The following C2CD2L variants were observed in gnomAD, a reference collection of about 807,000 sequenced individuals.
The protein encoded by C2CD2L is phospholipid transfer protein C2CD2L.
Under a neutral mutation model 69.9 loss-of-function variants are expected in C2CD2L, and 24 were observed. The ratio of observed to expected loss-of-function variants is 0.34; its 90% CI spans 0.25 to 0.48. The LOEUF is 0.48. C2CD2L is among the 20% of genes least tolerant of loss of function. C2CD2L has a pLI of 0.99. For synonymous variants in C2CD2L, 367 were observed against 391.0 expected (o/e 0.94, Z 0.72); for missense variants, 811 against 941.5 (o/e 0.86, Z 1.81).
chr11:119,113,727 G>A lies in C2CD2L; in HGVS notation c.1489+15G>A, dbSNP rs116201266. On this transcript the variant is annotated intron_variant, in intron 11 of 13. Transcript: ENST00000648610. ...TAGCAGCAGCCGTGAGTGGGGAATGGGGTGCATGAGTGTGGGTTGGCCCTG... is the reference window on the plus strand; with the variant it reads ...TAGCAGCAGCCGTGAGTGGGGAATGAGGTGCATGAGTGTGGGTTGGCCCTG... 790 of 1,613,954 alleles carry A rather than the reference G, an allele frequency of 4.9e-4. 1 individual carries two copies. In the African/African-American group the frequency reaches 9.1e-3, roughly 19 times the overall value.
chr11:119,102,305 G>A, upstream of C2CD2L: 1 of 472,172 alleles, frequency 2.1e-6, no homozygotes. Context: ...GGGGTGGGGA[G>A]GAGGGACGAG....
Position 119,108,256 on chromosome 11 carries a change from G to A in C2CD2L, c.354+161G>A, listed in dbSNP as rs1218614534. 3.0e-5 allele frequency: 16 copies of A among 537,668 alleles called. No individual in the cohort carries two copies. The Admixed American group carries it at 6.4e-4, about 21-fold the overall frequency. 33.3% of individuals were successfully genotyped at this position (537,668 alleles called of 1,614,324 possible). A position where few individuals can be genotyped will look rare whatever the true frequency, so the allele number is the denominator to read the frequency against. On this transcript the variant is annotated intron_variant, in intron 1 of 13. Transcript: ENST00000648610. The stretch of plus-strand genomic sequence containing the variant: ...AGAGAAAAGGGTGCCGCTAAGGCTG[G>A]AGGTTGTAGAAATCCAACTGGGTCC...
intron 13 of C2CD2L, 115 bp from the exon 14 acceptor site, chr11:119,115,930 C>T: frequency 1.3e-6 from 1 of 781,646 alleles, no homozygotes; most frequent in Non-Finnish European, 2.1e-6. Context: ...GGCTTCTGGG[C>T]CACGGGACTG....
intron 9 of C2CD2L, 37 bp downstream of exon 9, chr11:119,112,646 A>G (rs1946780092): frequency 5.0e-6 from 8 of 1,605,618 alleles, no homozygotes; most frequent in Non-Finnish European, 6.8e-6. Context: ...GGGAGGACAC[A>G]GGGGATGGGC....
At position 119,107,961 on chromosome 11, in the gene C2CD2L, G is replaced by A; in HGVS notation, c.220G>A (p.Ala74Thr). 1 of 1,549,304 alleles carries A rather than the reference G, an allele frequency of 6.5e-7. No homozygotes were observed. The highest frequency in any genetic ancestry group is 8.7e-7 in the Non-Finnish European group (1 of 1,155,858). Residue 74 changes from alanine to threonine, a missense_variant, in exon 1 of 14, where the codon GCG (alanine) becomes ACG (threonine). Transcript: ENST00000648610. The surrounding 1 kb of genome is among the most constrained non-coding windows in gnomAD (Gnocchi z 5.4). ...GVWRSLLRLR[A>T]TRAGAAEEPG... ...GTGGCGCTCGCTGCTGCGGCTGCGG[G>A]CGACTCGGGCTGGCGCCGCCGAGGA...
intron 13 of C2CD2L, 46 bp from the exon 14 acceptor site, chr11:119,115,999 C>T (rs1463517544): frequency 1.3e-6 from 2 of 1,543,398 alleles, no homozygotes; most frequent in Non-Finnish European, 1.8e-6. Context: ...CCGTCTCACC[C>T]CACCCCGTGC....
At chr11:119,105,853 G>C (rs900719889), upstream of C2CD2L, among the ~76,000 whole-genome samples, 2 of 152,126 alleles carry the variant, frequency 1.3e-5, no homozygotes, top group Non-Finnish European at 2.9e-5. Flanking sequence ...TGGGGGAAGA[G>C]GGTCTTCATA....
At chr11:119,102,897 A>T, upstream of C2CD2L, among the ~76,000 whole-genome samples, 1 of 90,560 alleles carries the variant, frequency 1.1e-5, no homozygotes, top group African/African-American at 4.4e-5. Flanking sequence ...TTTGAGACAG[A>T]GTTTCGCTCT....
intron 10 of C2CD2L, 131 bp downstream of exon 10, chr11:119,113,005 A>G (rs1946791761): frequency 2.8e-6 from 2 of 718,546 alleles, no homozygotes; most frequent in South Asian, 1.9e-5. Context: ...TTCCAGTCCT[A>G]CCACATCTTC....
chr11:119,103,476 C>T (rs1946542036), upstream of C2CD2L, among the ~76,000 whole-genome samples: 1 of 152,128 alleles, frequency 6.6e-6, no homozygotes, highest in South Asian at 2.1e-4. Flanking sequence ...GTGGGTGGCT[C>T]ACTTGAGGTC....
chr11:119,114,022 G>T lies in C2CD2L; in HGVS notation c.1623+34G>T. 1 of 1,613,332 alleles carries T rather than the reference G, an allele frequency of 6.2e-7. No individual in the cohort carries two copies. The highest frequency in any genetic ancestry group is 1.1e-5 in the South Asian group (1 of 91,070). On this transcript the variant is annotated intron_variant, in intron 12 of 13. Transcript: ENST00000648610. The surrounding 1 kb of genome is among the most constrained non-coding windows in gnomAD (Gnocchi z 5.1). ...GCTCTGGGGAGAGGAGCTGGGATGG[G>T]GAGAAAGCCCTAATGGGTCGGTCAC...
Position 119,112,707 on chromosome 11 carries a change from A to G in C2CD2L, c.1220A>G (p.Tyr407Cys), listed in dbSNP as rs1460485842. The change falls in exon 10 of 14, where the codon TAT becomes TGT. Residue 407 changes from tyrosine to cysteine, a missense_variant. Transcript: ENST00000648610. ...PAATMAVELHYEEGSPRNLGT... is the reference protein window; with the variant it reads ...PAATMAVELHCEEGSPRNLGT... ...TCTCCCACCCCTGGGCAGCTTCACT[A>G]TGAGGAGGGCTCTCCCCGGAACCTG... 1 of 1,613,512 alleles carries G rather than the reference A, an allele frequency of 6.2e-7. No homozygotes were observed. Among genetic ancestry groups the G allele is most frequent in the Non-Finnish European group, 8.5e-7 (1 of 1,179,692 alleles).
In C2CD2L at chr11:119,113,648, C is replaced by G. The variant is rs781481883; in HGVS notation, c.1425C>G (p.Thr475=). The G allele has an allele frequency of 6.2e-7, 1 of 1,613,746 alleles. No homozygotes were observed. The highest frequency in any genetic ancestry group is 8.5e-7 in the Non-Finnish European group (1 of 1,179,944). Residue 475 remains threonine, a synonymous_variant, in exon 11 of 14, where the codon ACC becomes ACG. Transcript: ENST00000648610. ...GCTCCCCGTCCAAGGTGGAGGTGAC[C>G]GAGAAGACGACAACTGTGCTGAGTG... ...PSRSPSKVEV[T]EKTTTVLSES... is the part of the protein sequence containing the mutation.
At chr11:119,102,361 T>C (rs1382678645), upstream of C2CD2L, 10 of 470,652 alleles carry the variant, frequency 2.1e-5, 1 homozygote, top group Admixed American at 2.1e-4. Flanking sequence ...GTTGCCAACA[T>C]AGTCGGAAGC....
chr11:119,102,854 C>T (rs927645944), upstream of C2CD2L, among the ~76,000 whole-genome samples: 14 of 135,336 alleles, frequency 1.0e-4, no homozygotes, highest in Non-Finnish European at 6.2e-5. Context: ...AACAACAATT[C>T]ACCAGCTTTT....
chr11:119,114,216 C>G lies in C2CD2L; in HGVS notation c.1760C>G (p.Pro587Arg), dbSNP rs376876723. ...PSDPPAMSPG[P>R]LDALSSPTSV... The stretch of plus-strand genomic sequence containing the variant: ...GACCCACCAGCCATGTCTCCAGGAC[C>G]GCTAGATGCCCTCTCTAGTCCCACA... Residue 587 changes from proline to arginine, a missense_variant, in exon 13 of 14, where the codon CCG (proline) becomes CGG (arginine). Pro to Arg is a moderately radical substitution (Grantham distance 103, BLOSUM62 -2). Coordinates refer to ENST00000648610, the MANE Select transcript of C2CD2L (RefSeq NM_001290474.2). The surrounding 1 kb of genome is among the most constrained non-coding windows in gnomAD (Gnocchi z 5.1). The G allele has an allele frequency of 1.9e-6, 3 of 1,614,014 alleles. No individual in the cohort carries two copies. The highest frequency in any genetic ancestry group is 2.5e-6 in the Non-Finnish European group (3 of 1,180,010).
rs1946903107 is a variant in C2CD2L at position 119,116,782 on chromosome 11, G to C, written c.*526G>C. The C allele has an allele frequency of 6.4e-6, 1 of 155,928 alleles. No individual in the cohort carries two copies. Among genetic ancestry groups the C allele is most frequent in the African/African-American group, 2.4e-5 (1 of 41,484 alleles). The allele number at this position is 155,928 out of a possible 1,614,324, so 9.7% of individuals were successfully genotyped here. On this transcript the variant is annotated 3_prime_UTR_variant, in exon 14 of 14. Transcript: ENST00000648610. ...GACCAGCACCAGTGTCTGCCTCTGA[G>C]AATGTTGGCAGCTCACAGAGAGCAG...
intron 6 of C2CD2L, 61 bp downstream of exon 6, chr11:119,111,435 C>A (rs546404330): frequency 1.0e-5 from 16 of 1,583,772 alleles, no homozygotes; most frequent in Non-Finnish European, 1.3e-5. Flanking sequence ...ATGCTCTCTG[C>A]CCCTCTGCCA....
At chr11:119,113,114 T>G in intron 10 of C2CD2L, 1 of 575,940 alleles carries the variant, frequency 1.7e-6, no homozygotes, top group Non-Finnish European at 3.1e-6. Flanking sequence ...CTGCCCCTCC[T>G]CATACAGGAC....
Sources: allele counts gnomAD v4.1 joint callset (sites outside exome capture counted in the v4.1 genomes callset), GRCh38; gene constraint gnomAD v4.1.1; non-coding constraint Gnocchi (gnomAD v3.1); transcripts MANE v1.5; gene names NCBI Gene and HGNC (gene_info 2026-07-23, HGNC 2026-07-21).